Variants in SPATA20 observed in about 807,000 individuals in gnomAD.
The protein encoded by SPATA20 is spermatogenesis associated 20, also known as spermatogenesis-associated protein 20.
A neutral mutation model predicts 98.9 loss-of-function variants in SPATA20; 74 were observed. That is an observed-to-expected ratio of 0.75 (90% confidence interval 0.62 to 0.91). The LOEUF (loss-of-function observed/expected upper bound fraction) is 0.91. Ranked by LOEUF, SPATA20 falls within the 40% of genes least tolerant of loss-of-function variation. SPATA20 has a pLI of 0.00. For synonymous variants in SPATA20, 430 were observed against 440.5 expected (o/e 0.98, Z 0.30); for missense variants, 1,016 against 1,069.8 (o/e 0.95, Z 0.70).
chr17:50,547,289 C>T lies in SPATA20; in HGVS notation c.77+4C>T. ...CAGGCCTCGCCGCGAGCCGCAGGTACGGGCGGGCGAGCGGGCCCCTAGGGC... is the reference window on the plus strand; with the variant it reads ...CAGGCCTCGCCGCGAGCCGCAGGTATGGGCGGGCGAGCGGGCCCCTAGGGC... On this transcript the variant is annotated splice_donor_region_variant and intron_variant, in intron 1 of 16. Coordinates refer to ENST00000006658, the MANE Select transcript of SPATA20 (RefSeq NM_022827.4). 7.3e-7 allele frequency: 1 copy of T among 1,378,298 alleles called. No homozygotes were observed. 85.4% of individuals were successfully genotyped at this position (1,378,298 alleles called of 1,614,324 possible). A position where few individuals can be genotyped will look rare whatever the true frequency, so the allele number is the denominator to read the frequency against.
chr17:50,550,632 C>A (rs758537581), intron 10 of SPATA20, 22 bp downstream of exon 10: 11 of 1,613,734 alleles, frequency 6.8e-6, no homozygotes, highest in Non-Finnish European at 9.3e-6. Context: ...TGGTGGCAGG[C>A]AGGCCTGGCT....
intron 1 of SPATA20, 56 bp downstream of exon 1, chr17:50,547,341 G>A: frequency 7.3e-7 from 1 of 1,362,616 alleles, no homozygotes; most frequent in Non-Finnish European, 9.6e-7. Flanking sequence ...TGCGGGCCCA[G>A]TGGAGGGTCT....
intron 12 of SPATA20, 135 bp from the exon 13 acceptor site, chr17:50,551,376 T>C: frequency 5.6e-6 from 7 of 1,258,522 alleles, no homozygotes; most frequent in South Asian, 4.4e-5. Context: ...AACCCCGCCA[T>C]GTCTGGCTTT....
rs1353603486 is a variant in SPATA20, at chr17:50,548,373, T to A, written c.216T>A (p.Ser72=). The A allele has an allele frequency of 6.2e-7, 1 of 1,614,012 alleles. No individual in the cohort carries two copies. Among genetic ancestry groups the A allele is most frequent in the South Asian group, 1.1e-5 (1 of 91,084 alleles). The change falls in exon 3 of 17, where the codon TCT becomes TCA. Residue 72 remains serine (S), a synonymous_variant. Transcript: ENST00000006658. ...PAGGKGSHPS[S]TPQRVPNRLI... ...GAGGGAAAGGAAGCCATCCTTCATC[T>A]ACACCCCAGAGGGTCCCCAACCGCC...
Position 50,549,220 on chromosome 17 carries a change from T to A in SPATA20, c.660+34T>A, listed in dbSNP as rs760322595. ...GCCTCCGGGAGTTGGGGGACCAGGG[T>A]GGGGGACTAGGAAACAAGAGCCCCT... On this transcript the variant is annotated intron_variant, in intron 6 of 16. Transcript: ENST00000006658. The A allele has an allele frequency of 4.4e-6, 7 of 1,594,582 alleles. No homozygotes were observed. In the East Asian group the frequency reaches 1.3e-4, roughly 31 times the overall value.
In SPATA20 at chr17:50,551,073, G is replaced by A. The variant is rs1278636832; in HGVS notation, c.1459G>A (p.Gly487Ser). The change falls in exon 12 of 17, where the codon GGC (glycine) becomes AGC (serine). Residue 487 changes from glycine (G) to serine (S), a missense_variant. By Grantham distance (56) the Gly-to-Ser change is moderately conservative. Coordinates refer to ENST00000006658, the MANE Select transcript of SPATA20 (RefSeq NM_022827.4). ...GCTGGAGCTGACTGCTGCCCGCTTTGGCTTGGATGTGGAGGCCGTGCGGAC... is the reference window on the plus strand; with the variant it reads ...GCTGGAGCTGACTGCTGCCCGCTTTAGCTTGGATGTGGAGGCCGTGCGGAC... ...YSLELTAARF[G>S]LDVEAVRTLL... 6.2e-7 allele frequency: 1 copy of A among 1,613,382 alleles called. No individual in the cohort carries two copies. Among genetic ancestry groups the A allele is most frequent in the Non-Finnish European group, 8.5e-7 (1 of 1,180,020 alleles).
Position 50,550,058 on chromosome 17 carries a change from G to A in SPATA20, c.936G>A (p.Met312Ile). ...LTQDGSRAQQ[M>I]ALHTLKMMAN... is the part of the protein sequence containing the mutation. ...AGGATGGCTCTCGGGCCCAGCAGAT[G>A]GCCTTGCATACCCTGAAAATGATGG... is the stretch of plus-strand genomic sequence containing the variant. Residue 312 changes from methionine to isoleucine, a missense_variant, in exon 8 of 17, where the codon ATG becomes ATA. Physicochemically the swap from Met to Ile is conservative, Grantham distance 10. Transcript: ENST00000006658. 6.2e-6 allele frequency: 10 copies of A among 1,606,622 alleles called. No individual in the cohort carries two copies. The highest frequency in any genetic ancestry group is 8.5e-6 in the Non-Finnish European group (10 of 1,174,506).
In SPATA20 at chr17:50,554,324, C is replaced by A; in HGVS notation, c.2031C>A (p.Gly677=). The A allele has an allele frequency of 6.2e-7, 1 of 1,614,190 alleles. No homozygotes were observed. Among genetic ancestry groups the A allele is most frequent in the Non-Finnish European group, 8.5e-7 (1 of 1,180,036 alleles). ...HNLLRLHGFT[G]HKDWMDKCVC... is the part of the protein sequence containing the mutation. ...TGCTCCGGCTGCATGGCTTCACGGG[C>A]CACAAGGACTGGATGGACAAGTGTG... The change falls in exon 15 of 17, where the codon GGC becomes GGA. Residue 677 remains glycine, a synonymous_variant. Coordinates refer to ENST00000006658, the MANE Select transcript of SPATA20 (RefSeq NM_022827.4).
intron 15 of SPATA20, 114 bp from the exon 16 acceptor site, chr17:50,555,118 T>C: frequency 3.8e-6 from 3 of 788,170 alleles, no homozygotes; most frequent in East Asian, 5.3e-5. Context: ...GATGAGTCCC[T>C]GTTCCTTCTT....
Position 50,548,406 on chromosome 17 carries a change from C to G in SPATA20, c.249C>G (p.His83Gln). The change falls in exon 3 of 17, where the codon CAC becomes CAG. Residue 83 changes from histidine to glutamine, a missense_variant. Physicochemically the swap from His to Gln is conservative, Grantham distance 24. Transcript: ENST00000006658. ...TPQRVPNRLIHEKSPYLLQHA... is the reference protein window; with the variant it reads ...TPQRVPNRLIQEKSPYLLQHA... Reference sequence around the variant, plus strand: ...AGAGGGTCCCCAACCGCCTGATCCACGAGAAGTCACCATACCTCCTACAAC... The same window carrying G: ...AGAGGGTCCCCAACCGCCTGATCCAGGAGAAGTCACCATACCTCCTACAAC... The G allele has an allele frequency of 1.2e-6, 2 of 1,614,022 alleles. No homozygotes were observed. Among genetic ancestry groups the G allele is most frequent in the Non-Finnish European group, 1.7e-6 (2 of 1,179,978 alleles).
intron 9 of SPATA20, 42 bp from the exon 10 acceptor site, chr17:50,550,494 A>C (rs2034993753): frequency 6.4e-7 from 1 of 1,570,642 alleles, no homozygotes; most frequent in African/African-American, 1.7e-5. Flanking sequence ...GGGCCTCCCC[A>C]GTGACCTCTC....
chr17:50,555,271 G>A lies in SPATA20; in HGVS notation c.2197G>A (p.Ala733Thr). 1 of 1,613,966 alleles carries A rather than the reference G, an allele frequency of 6.2e-7. No homozygotes were observed. The highest frequency in any genetic ancestry group is 8.5e-7 in the Non-Finnish European group (1 of 1,179,952). Residue 733 changes from alanine to threonine, a missense_variant, in exon 16 of 17, where the codon GCC becomes ACC. Coordinates refer to ENST00000006658, the MANE Select transcript of SPATA20 (RefSeq NM_022827.4). ...CGDRQAKDTK[A>T]LVQCVHSVYI... ...AGACCGTCAGGCCAAGGACACCAAG[G>A]CCCTGGTGCAGTGCGTCCACTCTGT... is the stretch of plus-strand genomic sequence containing the variant.
chr17:50,549,980 C>A lies in SPATA20; in HGVS notation c.863-5C>A, dbSNP rs765383154. ...CTCACCTGCATGTTCTTGGTGCCCC[C>A]ACAGTGATCCTGAGCTTCCTGTTCT... On this transcript the variant is annotated splice_polypyrimidine_tract_variant and splice_region_variant and intron_variant, in intron 7 of 16. Transcript: ENST00000006658. 1.2e-5 allele frequency: 18 copies of A among 1,539,192 alleles called. No homozygotes were observed. The highest frequency in any genetic ancestry group is 2.7e-5 in the African/African-American group (2 of 73,022).
At chr17:50,547,402 C>A (rs2034930887) in intron 1 of SPATA20, 117 bp downstream of exon 1, 2 of 866,650 alleles carry the variant, frequency 2.3e-6, no homozygotes, top group East Asian at 5.3e-5. Context: ...CATGCCTGGC[C>A]CTTCCCCCAC....
At position 50,554,458 on chromosome 17, in the gene SPATA20, G is replaced by A. The variant is rs1191275365; in HGVS notation, c.2157+8G>A. On this transcript the variant is annotated splice_region_variant and intron_variant, in intron 15 of 16. Transcript: ENST00000006658. The stretch of plus-strand genomic sequence containing the variant: ...CAGCAGACCCTCAAGCAGGTGGGGG[G>A]TGAGGGCATCTGGGCTGGGACCTCG... 1 of 1,608,958 alleles carries A rather than the reference G, an allele frequency of 6.2e-7. No individual in the cohort carries two copies. The highest frequency in any genetic ancestry group is 1.3e-5 in the African/African-American group (1 of 75,056).
Position 50,550,067 on chromosome 17 carries a change from T to C in SPATA20, c.945T>C (p.His315=). ...DGSRAQQMAL[H]TLKMMANGGI... ...CTCGGGCCCAGCAGATGGCCTTGCA[T>C]ACCCTGAAAATGATGGCTAACGGGG... is the stretch of plus-strand genomic sequence containing the variant. Residue 315 remains histidine, a synonymous_variant, in exon 8 of 17, where the codon CAT becomes CAC. Transcript: ENST00000006658. 1 of 1,611,322 alleles carries C rather than the reference T, an allele frequency of 6.2e-7. No homozygotes were observed. Among genetic ancestry groups the C allele is most frequent in the Non-Finnish European group, 8.5e-7 (1 of 1,178,300 alleles).
intron 13 of SPATA20, 31 bp from the exon 14 acceptor site, chr17:50,551,938 C>T (rs1458566996): frequency 1.3e-6 from 2 of 1,537,204 alleles, no homozygotes; most frequent in Non-Finnish European, 8.8e-7. Flanking sequence ...TGGGGCTCTC[C>T]CCAGCCCCTC....
At chr17:50,555,335 T>C (rs2035097711) in intron 16 of SPATA20, 23 bp downstream of exon 16, 5 of 1,609,512 alleles carry the variant, frequency 3.1e-6, no homozygotes, top group Non-Finnish European at 4.3e-6. Context: ...GTGAGCCCAA[T>C]CTGCCACCTC....
At chr17:50,553,501 C>T (rs747291935) in intron 14 of SPATA20, among the ~76,000 whole-genome samples, 16 of 151,586 alleles carry the variant, frequency 1.1e-4, no homozygotes, top group African/African-American at 1.7e-4. Flanking sequence ...AGGCAGGGCC[C>T]GCGTGTTCCA....
Sources: gnomAD v4.1 joint callset for allele counts (sites outside exome capture counted in the v4.1 genomes callset) on GRCh38, gnomAD v4.1.1 for gene constraint, MANE v1.5 for transcripts, NCBI Gene and HGNC (gene_info 2026-07-23, HGNC 2026-07-21) for gene names.